Variants in TUNAR observed in about 807,000 individuals in gnomAD.
The protein encoded by TUNAR is protein TUNAR.
At chr14:95,909,502 C>T (rs1198472497) in intron 2 of TUNAR, among the ~76,000 whole-genome samples, 3 of 152,118 alleles carry the variant, frequency 2.0e-5, no homozygotes, top group Admixed American at 6.5e-5. Context: ...CCAGGATGGT[C>T]TCGATCTCCT....
At chr14:95,908,770 A>G (rs1889466518) in intron 2 of TUNAR, among the ~76,000 whole-genome samples, 1 of 152,210 alleles carries the variant, frequency 6.6e-6, no homozygotes, top group African/African-American at 2.4e-5. Context: ...TCATGAATCC[A>G]TTACAGATGA....
rs766103041 is a variant in TUNAR, at chr14:95,878,988, AT to A, written c.12+1821del. ...ACAATTACTGCAAATAAATAAAGTG[AT>A]TTTTTTTTTAGACTCTTCCAACTGC... On this transcript the variant is annotated intron_variant, in intron 2 of 2. Coordinates refer to ENST00000678517, the Ensembl canonical transcript of TUNAR. 2.6e-3 allele frequency among the ~76,000 whole-genome samples: 395 copies of A among 150,534 alleles called. 2 individuals are homozygous for A. Among genetic ancestry groups the A allele is most frequent in the African/African-American group, 7.1e-3 (291 of 41,100 alleles).
chr14:95,876,754 C>A (rs1429560952), intron 1 of TUNAR, 78 bp from the exon 1 acceptor site: 2 of 152,258 alleles, frequency 1.3e-5, no homozygotes, highest in Non-Finnish European at 2.9e-5. Context: ...GCAGACGCGC[C>A]GTGGGTGGGG....
rs1889243638 is a variant in TUNAR, at chr14:95,895,265, T to C, written c.12+18088T>C. 6.6e-6 allele frequency among the ~76,000 whole-genome samples: 1 copy of C among 152,042 alleles called. No individual in the cohort carries two copies. Among genetic ancestry groups the C allele is most frequent in the Non-Finnish European group, 1.5e-5 (1 of 67,998 alleles). On this transcript the variant is annotated intron_variant, in intron 2 of 2. Transcript: ENST00000678517. The surrounding 1 kb of genome is among the most constrained non-coding windows in gnomAD (Gnocchi z 4.5). ...ATGTGTCTAACCCAGGAGGAGAGCATGGGCCAGCGGGAAGGGCAGGAAGCT... is the reference window on the plus strand; with the variant it reads ...ATGTGTCTAACCCAGGAGGAGAGCACGGGCCAGCGGGAAGGGCAGGAAGCT...
chr14:95,915,597 A>G (rs1889591205), intron 2 of TUNAR, among the ~76,000 whole-genome samples: 2 of 152,244 alleles, frequency 1.3e-5, no homozygotes, highest in Admixed American at 1.3e-4. Context: ...GGTTAGGCCC[A>G]GTGAGCCATG....
chr14:95,889,813 C>G (rs1889143599), intron 2 of TUNAR, among the ~76,000 whole-genome samples: 1 of 152,174 alleles, frequency 6.6e-6, no homozygotes, highest in Admixed American at 6.5e-5. Flanking sequence ...GATGGCTGCT[C>G]TCCTGGCTCC....
intron 2 of TUNAR, among the ~76,000 whole-genome samples, chr14:95,877,766 C>T (rs920097159): frequency 9.2e-5 from 14 of 152,250 alleles, no homozygotes; most frequent in African/African-American, 3.1e-4. Flanking sequence ...AATACTTGCT[C>T]CAATGAGTAT....
intron 2 of TUNAR, among the ~76,000 whole-genome samples, chr14:95,894,157 T>TGA (rs1889222687): frequency 1.3e-5 from 2 of 152,216 alleles, no homozygotes. Context: ...TGGTTTAAGG[T>TGA]GAGCATTAAG....
chr14:95,915,438 C>T (rs1889587186), intron 2 of TUNAR, among the ~76,000 whole-genome samples: 1 of 152,170 alleles, frequency 6.6e-6, no homozygotes, highest in African/African-American at 2.4e-5. Context: ...CCTGCTATCA[C>T]CCTACCTAAG....
chr14:95,903,274 T>C (rs1478194006), intron 2 of TUNAR, among the ~76,000 whole-genome samples: 2 of 152,210 alleles, frequency 1.3e-5, no homozygotes, highest in South Asian at 2.1e-4. Context: ...ATTACAATTA[T>C]TGATGGACAT....
rs531432602 is a variant in TUNAR, at chr14:95,892,920, G to A, written c.12+15743G>A. The stretch of plus-strand genomic sequence containing the variant: ...ACAGCACCTCGATATGTCTGGCGGT[G>A]CAGGGATAGGTGGCCATGTAACCCC... On this transcript the variant is annotated intron_variant, in intron 2 of 2. Transcript: ENST00000678517. Among the ~76,000 whole-genome samples the A allele has an allele frequency of 1.6e-4, 25 of 152,336 alleles. 1 individual carries two copies. In the East Asian group the frequency reaches 4.4e-3, roughly 27 times the overall value.
At chr14:95,903,455 A>G (rs1263528603) in intron 2 of TUNAR, among the ~76,000 whole-genome samples, 2 of 152,224 alleles carry the variant, frequency 1.3e-5, no homozygotes, top group Non-Finnish European at 2.9e-5. Context: ...ACCCCTTGAG[A>G]TCACCAGCGA....
intron 2 of TUNAR, among the ~76,000 whole-genome samples, chr14:95,884,530 G>T (rs1255298369): frequency 6.6e-6 from 1 of 152,330 alleles, no homozygotes; most frequent in East Asian, 1.9e-4. Context: ...TTCTGGGCCT[G>T]CCCACCACCA....
intron 2 of TUNAR, among the ~76,000 whole-genome samples, chr14:95,894,014 T>C (rs77507597): frequency 6.6e-6 from 1 of 152,264 alleles, no homozygotes; most frequent in Non-Finnish European, 1.5e-5. Context: ...AAGACGATTT[T>C]GCCCTGTTTT....
chr14:95,884,026 G>T (rs1006225713), intron 2 of TUNAR, among the ~76,000 whole-genome samples: 1 of 151,942 alleles, frequency 6.6e-6, no homozygotes, highest in African/African-American at 2.4e-5. Flanking sequence ...AAAGGACTCA[G>T]AATGTGGCAC....
chr14:95,907,639 G>A (rs1349737729), intron 2 of TUNAR, among the ~76,000 whole-genome samples: 2 of 152,182 alleles, frequency 1.3e-5, no homozygotes, highest in Admixed American at 1.3e-4. Flanking sequence ...ACAGCTCAGA[G>A]GAGATCTGCA....
intron 2 of TUNAR, among the ~76,000 whole-genome samples, chr14:95,922,221 C>T (rs1185199067): frequency 2.0e-5 from 3 of 152,168 alleles, no homozygotes; most frequent in Admixed American, 6.5e-5. Context: ...TTTCTCATGG[C>T]GTTACTCATC....
At chr14:95,899,213 C>T (rs1889310006) in intron 2 of TUNAR, among the ~76,000 whole-genome samples, 1 of 152,194 alleles carries the variant, frequency 6.6e-6, no homozygotes, top group Non-Finnish European at 1.5e-5. Flanking sequence ...CCCAGGAGTT[C>T]TGTGGTTGTC....
At chr14:95,882,254 C>G (rs1008123388) in intron 2 of TUNAR, among the ~76,000 whole-genome samples, 3 of 145,742 alleles carry the variant, frequency 2.1e-5, no homozygotes, top group Non-Finnish European at 4.7e-5. Context: ...CAGCTCTGGG[C>G]TAGATTTCTA....
Sources: allele counts gnomAD v4.1 joint callset (sites outside exome capture counted in the v4.1 genomes callset), GRCh38; gene constraint gnomAD v4.1.1; non-coding constraint Gnocchi (gnomAD v3.1); transcripts MANE v1.5; gene names NCBI Gene and HGNC (gene_info 2026-07-23, HGNC 2026-07-21).